Variants in LAMA4 observed in about 807,000 individuals in gnomAD.
LAMA4 encodes the protein laminin subunit alpha-4.
In LAMA4, 127 loss-of-function variants were observed where a neutral mutation model predicts 207.1. The observed-to-expected ratio is 0.61, with a 90% CI of 0.53 to 0.71. LAMA4 has a LOEUF of 0.71. Among genes scored for constraint, LAMA4 ranks in the 30% least tolerant of loss-of-function variants. The pLI is 0.00. For synonymous variants in LAMA4, 761 were observed against 816.0 expected (o/e 0.93, Z 1.15); for missense variants, 2,093 against 2,246.5 (o/e 0.93, Z 1.38).
rs5879142 is a variant in LAMA4 at position 112,224,938 on chromosome 6, G to GTT, written c.196-8471_196-8470dup. ...TTCCCCTGCCTACCTTTCTTTCTCA[G>GTT]TTTTTTTTTTTTTAATTTAATTTTT... On this transcript the variant is annotated intron_variant, in intron 2 of 38. Transcript: ENST00000230538. 5.6e-3 allele frequency among the ~76,000 whole-genome samples: 805 copies of GTT among 143,130 alleles called. 5 individuals are homozygous for GTT. Among genetic ancestry groups the GTT allele is most frequent in the African/African-American group, 0.014 (545 of 39,178 alleles). The allele number at this position is 143,130 out of a possible 152,430, so 93.9% of individuals were successfully genotyped here.
intron 38 of LAMA4, among the ~76,000 whole-genome samples, chr6:112,113,795 A>G (rs150327161): frequency 5.8e-4 from 89 of 152,290 alleles, no homozygotes; most frequent in African/African-American, 2.1e-3. Flanking sequence ...AAATAAGAGT[A>G]TGTGTGTCAC....
intron 16 of LAMA4, among the ~76,000 whole-genome samples, chr6:112,153,648 GAC>G (rs1300713642): frequency 2.2e-4 from 33 of 152,022 alleles, no homozygotes; most frequent in Non-Finnish European, 4.3e-4. Flanking sequence ...CATGAAGACT[GAC>G]ACATTCTGAT....
At chr6:112,209,955 T>C (rs144313704) in intron 3 of LAMA4, among the ~76,000 whole-genome samples, 5 of 152,158 alleles carry the variant, frequency 3.3e-5, no homozygotes, top group Admixed American at 1.3e-4. Context: ...TAGTGCTGTC[T>C]TGTAATAGAG....
intron 14 of LAMA4, chr6:112,158,035 C>G (rs1428944536): frequency 1.3e-5 from 2 of 151,992 alleles, no homozygotes; most frequent in African/African-American, 4.8e-5. Context: ...GTCCTTTTTT[C>G]CTAGTCTTTC....
At position 112,158,823 on chromosome 6, in the gene LAMA4, G is replaced by C. The variant is rs782074007; in HGVS notation, c.1726C>G (p.Leu576Val). 11 of 1,612,912 alleles carry C rather than the reference G, an allele frequency of 6.8e-6. No homozygotes were observed. The highest frequency in any genetic ancestry group is 3.3e-5 in the Admixed American group (2 of 60,020). ...TGGCTGAGGTTACTTAGGTTAGATA[G>C]TTTTACTTGTAGTTCACTTTTGGCT... Reference protein sequence around the residue: ...DGAKSELQVKLSNLSNLSHDL... With the variant: ...DGAKSELQVKVSNLSNLSHDL... Residue 576 changes from leucine (L) to valine (V), a missense_variant, in exon 14 of 39, where the codon CTA (leucine) becomes GTA (valine). Around this residue, in one of 3 missense-constraint regions of LAMA4, gnomAD observed 1,704 missense variants for 1,788.4 expected, o/e 0.95. Coordinates refer to ENST00000230538, the MANE Select transcript of LAMA4 (RefSeq NM_001105206.3).
chr6:112,130,579 G>A (rs1778980747), intron 29 of LAMA4, among the ~76,000 whole-genome samples: 1 of 151,968 alleles, frequency 6.6e-6, no homozygotes, highest in Non-Finnish European at 1.5e-5. Flanking sequence ...TGAAGTTCGA[G>A]CTTTTAAAAT....
Position 112,114,189 on chromosome 6 carries a change from C to G in LAMA4, c.5213G>C (p.Arg1738Thr). The G allele has an allele frequency of 6.2e-7, 1 of 1,613,874 alleles. No homozygotes were observed. The highest frequency in any genetic ancestry group is 2.2e-5 in the East Asian group (1 of 44,882). ...ATCCAACTGAACCACATTAGAATCT[C>G]TAATAACTGAAATGCAGGGCAAAGA... ...DGRWHRITVI[R>T]DSNVVQLDVD... is the part of the protein sequence containing the mutation. The change falls in exon 38 of 39, where the codon AGA becomes ACA. Residue 1738 changes from arginine to threonine, a missense_variant. Transcript: ENST00000230538.
intron 4 of LAMA4, among the ~76,000 whole-genome samples, chr6:112,206,225 T>G (rs1277879802): frequency 1.3e-5 from 2 of 152,186 alleles, no homozygotes; most frequent in Non-Finnish European, 2.9e-5. Flanking sequence ...ACCCCATTTT[T>G]GGCTGGCATT....
At chr6:112,248,457 C>T (rs763678417) in intron 2 of LAMA4, among the ~76,000 whole-genome samples, 1 of 149,578 alleles carries the variant, frequency 6.7e-6, no homozygotes, top group Non-Finnish European at 1.5e-5. Context: ...CAAGATAGCA[C>T]CACTGTACTC....
At chr6:112,197,738 T>C (rs1783504782) in intron 5 of LAMA4, among the ~76,000 whole-genome samples, 1 of 152,222 alleles carries the variant, frequency 6.6e-6, no homozygotes, top group Non-Finnish European at 1.5e-5. Context: ...CCATGTGCCA[T>C]GTGACGACTC....
chr6:112,183,199 T>C (rs963167583), intron 9 of LAMA4, among the ~76,000 whole-genome samples: 4 of 152,234 alleles, frequency 2.6e-5, no homozygotes, highest in African/African-American at 9.6e-5. Flanking sequence ...ATTAGTTACT[T>C]TCTTGATAGA....
intron 32 of LAMA4, chr6:112,121,801 ACT>A: frequency 3.9e-6 from 2 of 517,024 alleles, no homozygotes; most frequent in Admixed American, 3.1e-5. Flanking sequence ...CTGGAAGAAT[ACT>A]GTTTTATGAA....
intron 12 of LAMA4, among the ~76,000 whole-genome samples, chr6:112,171,455 G>A (rs1274279575): frequency 6.6e-6 from 1 of 151,968 alleles, no homozygotes; most frequent in Non-Finnish European, 1.5e-5. Context: ...TGTTTTGGTT[G>A]AGAAACAATG....
intron 9 of LAMA4, among the ~76,000 whole-genome samples, chr6:112,183,258 CT>C (rs1782471733): frequency 6.6e-6 from 1 of 152,194 alleles, no homozygotes; most frequent in South Asian, 2.1e-4. Context: ...CAGTCATGGA[CT>C]TTTCTAGAGC....
In LAMA4 at chr6:112,165,197, G is replaced by C. The variant is rs782488718; in HGVS notation, c.1631C>G (p.Pro544Arg). 1 of 1,611,960 alleles carries C rather than the reference G, an allele frequency of 6.2e-7. No homozygotes were observed. Among genetic ancestry groups the C allele is most frequent in the Non-Finnish European group, 8.5e-7 (1 of 1,178,030 alleles). Residue 544 changes from proline (P) to arginine (R), a missense_variant, in exon 13 of 39, where the codon CCT becomes CGT. Around this residue, in one of 3 missense-constraint regions of LAMA4, gnomAD observed 1,704 missense variants for 1,788.4 expected, o/e 0.95. Transcript: ENST00000230538. ...ATCAAGTTCTGAAAGAGTTAGACGA[G>C]GTGTTGTCAGAGAGTCCGCAGATGT... ...LSTSADSLTT[P>R]RLTLSELDDI...
chr6:112,234,464 T>G (rs1270487074), intron 2 of LAMA4: 2 of 152,190 alleles, frequency 1.3e-5, no homozygotes, highest in Non-Finnish European at 2.9e-5. Flanking sequence ...TTTTTTCTTT[T>G]TTGAAATTTG....
chr6:112,169,162 G>A (rs530330738), intron 12 of LAMA4, among the ~76,000 whole-genome samples: 2 of 152,274 alleles, frequency 1.3e-5, no homozygotes, highest in African/African-American at 4.8e-5. Context: ...AATCGAATCT[G>A]GCAGTAATCT....
In LAMA4 at chr6:112,150,498, C is replaced by T. The variant is rs782255056; in HGVS notation, c.2173+13G>A. ...AATCAACAGATGAGACTTCAATTCT[C>T]TCTGATGCTTACCTCTCTCTGCTGC... On this transcript the variant is annotated intron_variant, in intron 17 of 38. Transcript: ENST00000230538. The T allele has an allele frequency of 1.3e-6, 2 of 1,524,262 alleles. No individual in the cohort carries two copies. Among genetic ancestry groups the T allele is most frequent in the Non-Finnish European group, 1.8e-6 (2 of 1,097,962 alleles). 94.4% of individuals were successfully genotyped at this position (1,524,262 alleles called of 1,614,324 possible).
Position 112,118,937 on chromosome 6 carries a change from G to C in LAMA4, c.4821+219C>G, listed in dbSNP as rs73543603. Among the ~76,000 whole-genome samples the C allele has an allele frequency of 0.063, 9,639 of 152,062 alleles. 991 individuals are homozygous for C. The highest frequency in any genetic ancestry group is 0.22 in the African/African-American group (8,984 of 41,462). On this transcript the variant is annotated intron_variant, in intron 34 of 38. Transcript: ENST00000230538. The surrounding 1 kb of genome is among the most constrained non-coding windows in gnomAD (Gnocchi z 4.6). ...TTATGCCTCTGAAACTTTTTCATTTGACATCTACCTTAGAATTGAAAGATT... is the reference window on the plus strand; with the variant it reads ...TTATGCCTCTGAAACTTTTTCATTTCACATCTACCTTAGAATTGAAAGATT...
Sources: allele counts gnomAD v4.1 joint callset (sites outside exome capture counted in the v4.1 genomes callset), GRCh38; gene constraint gnomAD v4.1.1; regional missense constraint gnomAD v4.1.1; non-coding constraint Gnocchi (gnomAD v3.1); transcripts MANE v1.5; gene names NCBI Gene and HGNC (gene_info 2026-07-23, HGNC 2026-07-21).